Variants in NSMCE2 observed in about 807,000 individuals in gnomAD.
NSMCE2 encodes the protein NSE2 SUMO ligase component of SMC5/6 complex.
In NSMCE2, 24 loss-of-function variants were observed where a neutral mutation model predicts 23.8. That is an observed-to-expected ratio of 1.01 (90% CI 0.73 to 1.42). NSMCE2 has a LOEUF of 1.42. NSMCE2 is among the 40% of genes most tolerant of loss of function. The pLI is 0.00. For missense variants in NSMCE2, 284 were observed against 296.5 expected, an observed-to-expected ratio of 0.96 and a Z score of 0.31; for synonymous variants, 92 against 94.1, an observed-to-expected ratio of 0.98 and a Z score of 0.13.
At chr8:125,358,992 C>T (rs113357868) in intron 7 of NSMCE2, among the ~76,000 whole-genome samples, 4 of 152,134 alleles carry the variant, frequency 2.6e-5, no homozygotes, top group African/African-American at 9.6e-5. Context: ...TTCGGCCAGG[C>T]GCGGTGGCTC....
At chr8:125,193,269 T>G (rs1336081830) in intron 5 of NSMCE2, among the ~76,000 whole-genome samples, 3 of 152,194 alleles carry the variant, frequency 2.0e-5, no homozygotes, top group Non-Finnish European at 4.4e-5. Flanking sequence ...AGGTAGTGAA[T>G]GGACAAGCTA....
intron 3 of NSMCE2, among the ~76,000 whole-genome samples, chr8:125,149,852 T>G (rs890646067): frequency 1.3e-5 from 2 of 152,200 alleles, no homozygotes. Context: ...GTTTTTTTGT[T>G]TGTTTTTATA....
intron 5 of NSMCE2, among the ~76,000 whole-genome samples, chr8:125,234,028 A>T (rs1482387350): frequency 6.6e-6 from 1 of 150,944 alleles, no homozygotes; most frequent in Non-Finnish European, 1.5e-5. Flanking sequence ...AAAAAAAAAA[A>T]AAAAAATACA....
At chr8:125,270,114 ATGAAGT>A (rs1827117923) in intron 5 of NSMCE2, among the ~76,000 whole-genome samples, 1 of 152,206 alleles carries the variant, frequency 6.6e-6, no homozygotes, top group African/African-American at 2.4e-5. Flanking sequence ...GAGGTAAAAA[ATGAAGT>A]TGGAGACAGT....
chr8:125,260,830 G>A (rs1432051159), intron 5 of NSMCE2, among the ~76,000 whole-genome samples: 7 of 151,592 alleles, frequency 4.6e-5, no homozygotes, highest in African/African-American at 1.7e-4. Context: ...CACCATGTTG[G>A]CCAGGCTGAT....
At chr8:125,154,307 G>T (rs927631177) in intron 4 of NSMCE2, among the ~76,000 whole-genome samples, 7 of 151,952 alleles carry the variant, frequency 4.6e-5, no homozygotes, top group African/African-American at 1.7e-4. Flanking sequence ...TAAAGATTAT[G>T]CTCCTTTTGA....
chr8:125,358,284 G>C (rs1329688528), intron 7 of NSMCE2, among the ~76,000 whole-genome samples: 1 of 151,280 alleles, frequency 6.6e-6, no homozygotes, highest in South Asian at 2.1e-4. Context: ...AGTGAGCCGA[G>C]ATTGTGCCAC....
intron 5 of NSMCE2, among the ~76,000 whole-genome samples, chr8:125,311,050 G>T (rs777635300): frequency 3.9e-5 from 6 of 152,140 alleles, no homozygotes; most frequent in Non-Finnish European, 7.3e-5. Flanking sequence ...ATAAATTGGG[G>T]GTCAAAGTTA....
At chr8:125,204,199 T>C (rs1040364286) in intron 5 of NSMCE2, among the ~76,000 whole-genome samples, 1 of 152,208 alleles carries the variant, frequency 6.6e-6, no homozygotes, top group Non-Finnish European at 1.5e-5. Context: ...CACATAGTAG[T>C]CCTGGGAATA....
chr8:125,122,172 CAAAAA>C (rs796879544), intron 3 of NSMCE2, among the ~76,000 whole-genome samples: 15 of 45,974 alleles, frequency 3.3e-4, no homozygotes, highest in African/African-American at 1.8e-3. Context: ...CTGGCTGAGC[CAAAAA>C]AAAAAAAAAA....
chr8:125,189,466 A>G lies in NSMCE2; in HGVS notation c.418+7210A>G, dbSNP rs551462888. ...AAAACTTGCCTGGGCCTGTCCAGAC[A>G]TGCCTAAATAAGCCAAAGCAACTAA... On this transcript the variant is annotated intron_variant, in intron 5 of 7. Transcript: ENST00000287437. Among the ~76,000 whole-genome samples the G allele has an allele frequency of 1.7e-4, 26 of 152,370 alleles. No homozygotes were observed. The South Asian group carries it at 2.3e-3, about 13-fold the overall frequency.
intron 3 of NSMCE2, among the ~76,000 whole-genome samples, chr8:125,125,982 T>A (rs1819499236): frequency 6.6e-6 from 1 of 152,116 alleles, no homozygotes; most frequent in South Asian, 2.1e-4. Flanking sequence ...ACCTTTGCCA[T>A]GGAGGAAGAC....
chr8:125,150,784 A>G (rs1358724772), intron 3 of NSMCE2, among the ~76,000 whole-genome samples: 2 of 152,108 alleles, frequency 1.3e-5, no homozygotes, highest in Non-Finnish European at 1.5e-5. Context: ...AATCCTTCAC[A>G]GTTTATGCAA....
intron 4 of NSMCE2, chr8:125,156,004 G>A (rs1821285314): frequency 6.7e-6 from 3 of 450,718 alleles, no homozygotes; most frequent in Non-Finnish European, 1.3e-5. Flanking sequence ...TCTCAGCTAG[G>A]TGTGGTGGCG....
intron 7 of NSMCE2, among the ~76,000 whole-genome samples, chr8:125,359,218 G>T (rs1378739726): frequency 2.1e-5 from 3 of 144,244 alleles, no homozygotes; most frequent in African/African-American, 5.1e-5. Context: ...AGTGAGCCGA[G>T]ATCATGCCAC....
intron 4 of NSMCE2, among the ~76,000 whole-genome samples, chr8:125,164,277 C>T (rs16900408): frequency 0.022 from 3,282 of 152,238 alleles, 125 homozygotes; most frequent in African/African-American, 0.075. Context: ...AAGGGACTTG[C>T]GCAGATCACT....
intron 3 of NSMCE2, among the ~76,000 whole-genome samples, chr8:125,119,922 A>T (rs1367251275): frequency 6.6e-6 from 1 of 152,146 alleles, no homozygotes; most frequent in Non-Finnish European, 1.5e-5. Context: ...TATTATTTAT[A>T]TATGTAAAGC....
chr8:125,159,363 A>G lies in NSMCE2; in HGVS notation c.264+8086A>G, dbSNP rs958081480. Among the ~76,000 whole-genome samples the G allele has an allele frequency of 2.6e-5, 4 of 152,358 alleles. No individual in the cohort carries two copies. In the South Asian group the frequency reaches 8.3e-4, roughly 32 times the overall value. The stretch of plus-strand genomic sequence containing the variant: ...GATGGTGGTGCCATAAGATTATAAT[A>G]TCATACTTTTACTGTACCTTTTCTG... On this transcript the variant is annotated intron_variant, in intron 4 of 7. Coordinates refer to ENST00000287437, the MANE Select transcript of NSMCE2 (RefSeq NM_173685.4).
chr8:125,299,550 A>G (rs1586736818), intron 5 of NSMCE2, among the ~76,000 whole-genome samples: 1 of 152,116 alleles, frequency 6.6e-6, no homozygotes, highest in East Asian at 1.9e-4. Flanking sequence ...AGCCCCCATG[A>G]CCCAGTTACC....
Sources: gnomAD v4.1 joint callset for allele counts (sites outside exome capture counted in the v4.1 genomes callset) on GRCh38, gnomAD v4.1.1 for gene constraint, MANE v1.5 for transcripts, NCBI Gene and HGNC (gene_info 2026-07-23, HGNC 2026-07-21) for gene names.